SAMD3: variants seen among roughly 807,000 people sequenced by gnomAD.
The protein encoded by SAMD3 is sterile alpha motif domain containing 3, also known as sterile alpha motif domain-containing protein 3.
SAMD3 carries 63 observed loss-of-function variants against 58.5 expected under a neutral mutation model. The observed-to-expected ratio is 1.08, with a 90% CI of 0.88 to 1.33. SAMD3 has a LOEUF of 1.33. Ranked by LOEUF, SAMD3 falls within the 40% of genes most tolerant of loss-of-function variation. The pLI is 0.00. For synonymous variants in SAMD3, 220 were observed against 210.3 expected, an observed-to-expected ratio of 1.05 and a Z score of -0.40; for missense variants, 604 against 608.4, an observed-to-expected ratio of 0.99 and a Z score of 0.08.
intron 1 of SAMD3, among the ~76,000 whole-genome samples, chr6:130,350,916 A>T (rs546735988): frequency 2.0e-5 from 3 of 152,326 alleles, no homozygotes; most frequent in African/African-American, 7.2e-5. Flanking sequence ...CTCAGAGATA[A>T]TGCCGCATAT....
chr6:130,241,578 C>G (rs904756994), intron 2 of SAMD3, among the ~76,000 whole-genome samples: 1 of 151,970 alleles, frequency 6.6e-6, no homozygotes, highest in Non-Finnish European at 1.5e-5. Context: ...TTTTACTTAG[C>G]CTTTGTTTCT....
chr6:130,311,051 G>T (rs1776136955), intron 2 of SAMD3, among the ~76,000 whole-genome samples: 1 of 152,150 alleles, frequency 6.6e-6, no homozygotes, highest in African/African-American at 2.4e-5. Flanking sequence ...GGGCTGAATA[G>T]AGAGTAAAGC....
intron 2 of SAMD3, among the ~76,000 whole-genome samples, chr6:130,288,968 T>A (rs1005891538): frequency 6.6e-6 from 1 of 152,226 alleles, no homozygotes; most frequent in Non-Finnish European, 1.5e-5. Flanking sequence ...TTGGTTAACT[T>A]CTATGCGCCC....
chr6:130,188,268 A>C (rs1311467427), intron 5 of SAMD3, among the ~76,000 whole-genome samples: 1 of 152,238 alleles, frequency 6.6e-6, no homozygotes, highest in Non-Finnish European at 1.5e-5. Flanking sequence ...TCAGGTGAGC[A>C]CCAGCTCTCT....
intron 1 of SAMD3, among the ~76,000 whole-genome samples, chr6:130,218,373 G>A (rs755453007): frequency 1.3e-5 from 2 of 152,130 alleles, no homozygotes; most frequent in Non-Finnish European, 2.9e-5. Flanking sequence ...AGGCTCTCCG[G>A]GGACCTGTTT....
intron 1 of SAMD3, among the ~76,000 whole-genome samples, chr6:130,220,375 T>C (rs1796170272): frequency 6.6e-6 from 1 of 152,206 alleles, no homozygotes; most frequent in Non-Finnish European, 1.5e-5. Context: ...AAAATAGCAA[T>C]GAGCCAGAGT....
At chr6:130,208,000 C>T (rs1795227275) in intron 5 of SAMD3, among the ~76,000 whole-genome samples, 1 of 152,262 alleles carries the variant, frequency 6.6e-6, no homozygotes, top group Non-Finnish European at 1.5e-5. Flanking sequence ...CCTGAGCTCT[C>T]ACGCTGAGGG....
chr6:130,257,957 G>C (rs1438446645), intron 2 of SAMD3, among the ~76,000 whole-genome samples: 1 of 152,008 alleles, frequency 6.6e-6, no homozygotes, highest in Non-Finnish European at 1.5e-5. Context: ...TGTGACATCT[G>C]TTATTGCTTG....
At chr6:130,258,774 T>C (rs1055218228) in intron 2 of SAMD3, among the ~76,000 whole-genome samples, 5 of 152,196 alleles carry the variant, frequency 3.3e-5, no homozygotes, top group African/African-American at 1.2e-4. Context: ...TTGGGAAGAT[T>C]TTTTTAAATT....
At chr6:130,217,543 G>A (rs1796066258) in intron 1 of SAMD3, among the ~76,000 whole-genome samples, 1 of 152,144 alleles carries the variant, frequency 6.6e-6, no homozygotes, top group Admixed American at 6.5e-5. Context: ...CTAAAGCCAA[G>A]AAGAGGTAAG....
At position 130,184,641 on chromosome 6, in the gene SAMD3, ACAAAGAATGAAATTC is replaced by A; in HGVS notation, c.384-33_384-19del. 1.3e-6 allele frequency: 2 copies of A among 1,585,832 alleles called. No individual in the cohort carries two copies. Among genetic ancestry groups the A allele is most frequent in the Non-Finnish European group, 1.7e-6 (2 of 1,160,968 alleles). On this transcript the variant is annotated intron_variant, in intron 5 of 11. Transcript: ENST00000439090. ...CATTTCTTCTGTGAAATAAAAACAC[ACAAAGAATGAAATTC>A]TATTCCAAATATATGCAGTTTATTA...
intron 8 of SAMD3, among the ~76,000 whole-genome samples, chr6:130,167,066 G>A (rs761811918): frequency 5.9e-5 from 9 of 152,038 alleles, no homozygotes; most frequent in African/African-American, 1.4e-4. Context: ...TCTCTGTGGC[G>A]CAATTTATAG....
rs546992808 is a variant in SAMD3, at chr6:130,365,225, AAGG to A, written c.-412_-410del. On this transcript the variant is annotated 5_prime_UTR_variant, in exon 1 of 14. Transcript: ENST00000368134. ...CTCCACTCACTGGATGTTTGGGGTC[AAGG>A]AGGAGTAACCTGAACCTCTCGTTGG... The A allele has an allele frequency of 3.2e-4, 319 of 985,528 alleles. 3 individuals are homozygous for A. In the African/African-American group the frequency reaches 5.1e-3, roughly 16 times the overall value. 61.0% of individuals were successfully genotyped at this position (985,528 alleles called of 1,614,324 possible).
chr6:130,159,066 T>C (rs898774675), intron 8 of SAMD3, among the ~76,000 whole-genome samples: 3 of 152,188 alleles, frequency 2.0e-5, no homozygotes, highest in African/African-American at 4.8e-5. Context: ...GAGGTTGATA[T>C]GGTTTGGCTC....
chr6:130,227,985 T>C (rs1432761351), intron 2 of SAMD3, among the ~76,000 whole-genome samples: 4 of 152,072 alleles, frequency 2.6e-5, no homozygotes, highest in Non-Finnish European at 5.9e-5. Flanking sequence ...TGAATAAGGA[T>C]ACCCTTTTTA....
intron 9 of SAMD3, 116 bp from the exon 10 acceptor site, chr6:130,146,297 C>A: frequency 1.9e-6 from 1 of 521,334 alleles, no homozygotes; most frequent in East Asian, 3.3e-5. Context: ...ACTAAGTACT[C>A]AATATTTTAG....
Position 130,238,418 on chromosome 6 carries a change from T to C in SAMD3, c.-187-15605A>G, listed in dbSNP as rs559685199. ...TCAAAAATAATTACTGACTTTTAGT[T>C]CTATCAAGTCAATTCTTTAAACTAA... On this transcript the variant is annotated intron_variant, in intron 2 of 13. Transcript: ENST00000368134. Among the ~76,000 whole-genome samples the C allele has an allele frequency of 3.3e-5, 5 of 152,316 alleles. No individual in the cohort carries two copies. The South Asian group carries it at 1.0e-3, about 32-fold the overall frequency.
chr6:130,148,809 G>A (rs955632273), intron 9 of SAMD3, among the ~76,000 whole-genome samples: 1 of 151,888 alleles, frequency 6.6e-6, no homozygotes, highest in African/African-American at 2.4e-5. Flanking sequence ...GGAGGCCAAG[G>A]CTGCAGTGAG....
intron 2 of SAMD3, among the ~76,000 whole-genome samples, chr6:130,228,191 A>G (rs988790961): frequency 6.6e-6 from 1 of 152,218 alleles, no homozygotes; most frequent in Non-Finnish European, 1.5e-5. Context: ...ATATCTTAAC[A>G]AAGAGTTCAC....
Sources: gnomAD v4.1 joint callset for allele counts (sites outside exome capture counted in the v4.1 genomes callset) on GRCh38, gnomAD v4.1.1 for gene constraint, MANE v1.5 for transcripts, NCBI Gene and HGNC (gene_info 2026-07-23, HGNC 2026-07-21) for gene names.